INPP4B: variants seen among roughly 807,000 people sequenced by gnomAD.
INPP4B encodes inositol polyphosphate 4-phosphatase type II.
INPP4B carries 55 observed loss-of-function variants against 122.5 expected under a neutral mutation model. The observed-to-expected ratio is 0.45, with a 90% CI of 0.36 to 0.56. The LOEUF is 0.56. Among genes scored for constraint, INPP4B ranks in the 20% least tolerant of loss-of-function variants. INPP4B has a pLI of 0.00. For missense variants in INPP4B, 1,000 were observed against 1,097.7 expected, an observed-to-expected ratio of 0.91 and a Z score of 1.26; for synonymous variants, 403 against 388.7, an observed-to-expected ratio of 1.04 and a Z score of -0.43.
At chr4:142,507,808 C>A (rs1824209695) in intron 2 of INPP4B, among the ~76,000 whole-genome samples, 1 of 152,126 alleles carries the variant, frequency 6.6e-6, no homozygotes, top group South Asian at 2.1e-4. Flanking sequence ...CCTCCATAGA[C>A]TTTCTTTGCT....
chr4:142,332,823 C>T (rs1775074653), intron 7 of INPP4B, among the ~76,000 whole-genome samples: 1 of 146,568 alleles, frequency 6.8e-6, no homozygotes, highest in Admixed American at 6.8e-5. Flanking sequence ...GCTAACAAGG[C>T]GAAATCCCGT....
intron 12 of INPP4B, among the ~76,000 whole-genome samples, chr4:142,235,482 C>G (rs762153842): frequency 8.6e-5 from 13 of 152,046 alleles, no homozygotes; most frequent in Non-Finnish European, 1.5e-4. Flanking sequence ...AGTGCAGTGG[C>G]GCGATCTCAG....
At chr4:142,606,224 T>A (rs1741234264) in intron 2 of INPP4B, among the ~76,000 whole-genome samples, 1 of 151,748 alleles carries the variant, frequency 6.6e-6, no homozygotes, top group Non-Finnish European at 1.5e-5. Context: ...AGAATAGAAC[T>A]AGAATGATAG....
chr4:142,342,433 T>C (rs1354799070), intron 7 of INPP4B, among the ~76,000 whole-genome samples: 1 of 152,186 alleles, frequency 6.6e-6, no homozygotes, highest in African/African-American at 2.4e-5. Context: ...AAGAAATTAA[T>C]ATTGAGTACC....
intron 18 of INPP4B, among the ~76,000 whole-genome samples, chr4:142,140,204 G>C (rs989560281): frequency 2.6e-5 from 4 of 152,232 alleles, no homozygotes; most frequent in Non-Finnish European, 5.9e-5. Flanking sequence ...GAAAGAAGCA[G>C]TGATGACTCG....
chr4:142,289,169 G>A (rs1435907202), intron 9 of INPP4B, among the ~76,000 whole-genome samples: 3 of 139,584 alleles, frequency 2.1e-5, no homozygotes, highest in Non-Finnish European at 4.4e-5. Context: ...ACTTTTAGCA[G>A]TGAATTTTTA....
intron 7 of INPP4B, chr4:142,384,030 C>T: frequency 1.4e-6 from 1 of 700,176 alleles, no homozygotes; most frequent in Non-Finnish European, 2.6e-6. Flanking sequence ...GACATTTGAA[C>T]AGGTGACTGA....
At chr4:142,040,545 T>C (rs1428047943) in intron 25 of INPP4B, among the ~76,000 whole-genome samples, 3 of 152,060 alleles carry the variant, frequency 2.0e-5, no homozygotes, top group African/African-American at 4.8e-5. Flanking sequence ...GAAAGAAAAA[T>C]TTTTGAAAGA....
chr4:142,175,269 G>A (rs1219271), intron 15 of INPP4B, among the ~76,000 whole-genome samples: 128,533 of 152,088 alleles, frequency 0.85, 54,679 homozygotes, highest in Non-Finnish European at 0.89. Context: ...GACACCACTA[G>A]GAAAAACTGA....
intron 9 of INPP4B, among the ~76,000 whole-genome samples, chr4:142,301,535 C>T (rs1049899915): frequency 6.6e-6 from 1 of 152,116 alleles, no homozygotes; most frequent in Admixed American, 6.5e-5. Flanking sequence ...TGCTATAAGA[C>T]AAATGATAAT....
chr4:142,526,575 C>T (rs1580288174), intron 2 of INPP4B, among the ~76,000 whole-genome samples: 1 of 152,044 alleles, frequency 6.6e-6, no homozygotes. Context: ...CCATGGCATG[C>T]TCTGGAGCAG....
At chr4:142,273,776 G>A (rs1408388043) in intron 9 of INPP4B, among the ~76,000 whole-genome samples, 1 of 151,782 alleles carries the variant, frequency 6.6e-6, no homozygotes, top group African/African-American at 2.4e-5. Flanking sequence ...CATTTTGGAT[G>A]GGCAGCTTTT....
At chr4:142,706,941 G>A (rs1762543669) in intron 2 of INPP4B, among the ~76,000 whole-genome samples, 1 of 152,128 alleles carries the variant, frequency 6.6e-6, no homozygotes, top group African/African-American at 2.4e-5. Context: ...TAAAATAACA[G>A]GAAACAAACA....
In INPP4B at chr4:142,686,025, A is replaced by G. The variant is rs554360946; in HGVS notation, c.-191+39814T>C. On this transcript the variant is annotated intron_variant, in intron 2 of 25. Coordinates refer to ENST00000262992, the MANE Select transcript of INPP4B (RefSeq NM_001101669.3). ...CCTCGCTTTGAATTCTGAATACACC[A>G]AAATCTCTATAGGCTGTTGACCGGA... is the stretch of plus-strand genomic sequence containing the variant. 1.8e-3 allele frequency among the ~76,000 whole-genome samples: 279 copies of G among 152,200 alleles called. 1 individual carries two copies. Among genetic ancestry groups the G allele is most frequent in the Non-Finnish European group, 3.1e-3 (213 of 68,000 alleles).
rs1313743145 is a variant in INPP4B, at chr4:142,024,256, T to C, written c.*4526A>G. On this transcript the variant is annotated 3_prime_UTR_variant, in exon 26 of 26. Transcript: ENST00000262992. ...AAAACTGCCAAAGCAACAAAAGATATAATATATTGGGACTTTATAAGCTAA... is the reference window on the plus strand; with the variant it reads ...AAAACTGCCAAAGCAACAAAAGATACAATATATTGGGACTTTATAAGCTAA... The C allele has an allele frequency of 6.6e-6, 1 of 152,130 alleles. No individual in the cohort carries two copies. The highest frequency in any genetic ancestry group is 2.4e-5 in the African/African-American group (1 of 41,442). The allele number at this position is 152,130 out of a possible 1,614,324, so 9.4% of individuals were successfully genotyped here.
intron 2 of INPP4B, among the ~76,000 whole-genome samples, chr4:142,522,177 G>A (rs756263170): frequency 2.0e-5 from 3 of 151,590 alleles, no homozygotes; most frequent in African/African-American, 2.4e-5. Context: ...ATTTTTAAAG[G>A]TTTTTATGTT....
rs1797972302 is a variant in INPP4B at position 142,124,682 on chromosome 4, T to G, written c.1799A>C (p.Gln600Pro). ...CMGEVVNRAK[Q>P]SLTFVLLQEL... ...CTGAAGGAGCACAAATGTCAGGGAC[T>G]GCTTGGCTCGGTTCACCACTTCTCC... Residue 600 changes from glutamine (Q) to proline (P), a missense_variant, in exon 19 of 26, where the codon CAG becomes CCG. Physicochemically the swap from Gln to Pro is moderately conservative, Grantham distance 76. Coordinates refer to ENST00000262992, the MANE Select transcript of INPP4B (RefSeq NM_001101669.3). 6.2e-7 allele frequency: 1 copy of G among 1,612,962 alleles called. No individual in the cohort carries two copies. The highest frequency in any genetic ancestry group is 8.5e-7 in the Non-Finnish European group (1 of 1,179,260).
chr4:142,840,854 A>G (rs577668875), intron 1 of INPP4B, among the ~76,000 whole-genome samples: 49 of 152,156 alleles, frequency 3.2e-4, no homozygotes, highest in African/African-American at 1.1e-3. Context: ...CCTTCAAAAT[A>G]AGAATGCTAT....
At chr4:142,217,198 GA>G in intron 12 of INPP4B, among the ~76,000 whole-genome samples, 1 of 152,200 alleles carries the variant, frequency 6.6e-6, no homozygotes, top group East Asian at 1.9e-4. Flanking sequence ...CACCAAAATA[GA>G]AAATTGTAGC....
Sources: allele counts gnomAD v4.1 joint callset (sites outside exome capture counted in the v4.1 genomes callset), GRCh38; gene constraint gnomAD v4.1.1; transcripts MANE v1.5; gene names NCBI Gene and HGNC (gene_info 2026-07-23, HGNC 2026-07-21).